HSD17B12: variants seen among roughly 807,000 people sequenced by gnomAD.
HSD17B12 encodes very-long-chain 3-oxoacyl-CoA reductase.
A neutral mutation model predicts 39.3 loss-of-function variants in HSD17B12; 32 were observed. That is an observed-to-expected ratio of 0.81 (90% CI 0.61 to 1.09). The LOEUF (loss-of-function observed/expected upper bound fraction) is 1.09. Among genes scored for constraint, HSD17B12 ranks in the 50% least tolerant of loss-of-function variants. The probability of loss-of-function intolerance (pLI) is 0.00; values close to 1 mark genes in which losing one functional copy is unlikely to be tolerated. For synonymous variants in HSD17B12, 150 were observed against 146.7 expected (o/e 1.02, Z -0.16); for missense variants, 342 against 382.9 (o/e 0.89, Z 0.89).
rs986071185 is a variant in HSD17B12 at position 43,712,677 on chromosome 11, A to C, written c.160+31690A>C. ...ATGTATAAAAGCAAGCTGTACCCCA[A>C]CTATCTTGGGGTACAGCTTCTGAGG... On this transcript the variant is annotated intron_variant, in intron 1 of 10. Transcript: ENST00000278353. Among the ~76,000 whole-genome samples, 12 of 152,154 alleles carry C rather than the reference A, an allele frequency of 7.9e-5. No homozygotes were observed. The East Asian group carries it at 2.3e-3, about 30-fold the overall frequency.
chr11:43,812,969 G>A (rs768202325), intron 4 of HSD17B12, among the ~76,000 whole-genome samples: 1 of 152,048 alleles, frequency 6.6e-6, no homozygotes, highest in Non-Finnish European at 1.5e-5. Flanking sequence ...AGCCTCCCGA[G>A]TAGCTGGGAC....
chr11:43,686,932 C>T (rs1949805957), intron 1 of HSD17B12, among the ~76,000 whole-genome samples: 1 of 152,132 alleles, frequency 6.6e-6, no homozygotes, highest in South Asian at 2.1e-4. Context: ...CTACTTGCAA[C>T]TGAGAGTGTT....
chr11:43,697,277 G>A (rs761841150), intron 1 of HSD17B12, among the ~76,000 whole-genome samples: 3 of 152,088 alleles, frequency 2.0e-5, no homozygotes, highest in African/African-American at 4.8e-5. Context: ...TACAGGAGCC[G>A]GCTATGGGGG....
chr11:43,799,205 C>T (rs1010568509), intron 4 of HSD17B12, among the ~76,000 whole-genome samples: 5 of 151,238 alleles, frequency 3.3e-5, no homozygotes, highest in South Asian at 2.1e-4. Context: ...TGTATAGATC[C>T]GATTATGTAC....
chr11:43,765,751 C>T (rs1221614995), intron 3 of HSD17B12, among the ~76,000 whole-genome samples: 1 of 152,152 alleles, frequency 6.6e-6, no homozygotes, highest in Non-Finnish European at 1.5e-5. Context: ...GTCTAATCTG[C>T]TGTTAATTCT....
intron 1 of HSD17B12, among the ~76,000 whole-genome samples, chr11:43,726,288 A>G (rs1284574811): frequency 1.8e-4 from 28 of 152,138 alleles, no homozygotes; most frequent in Admixed American, 1.5e-3. Flanking sequence ...GCGATAAGAA[A>G]AGAGATAACT....
At chr11:43,589,094 C>A in the HSD17B12 span, among the ~76,000 whole-genome samples, 1 of 150,994 alleles carries the variant, frequency 6.6e-6, no homozygotes, top group Admixed American at 6.6e-5. Context: ...AGGCAATTTC[C>A]ACCAAGGAAA....
chr11:43,814,822 G>A (rs780701643), intron 4 of HSD17B12, among the ~76,000 whole-genome samples: 15 of 152,016 alleles, frequency 9.9e-5, no homozygotes, highest in Non-Finnish European at 2.1e-4. Flanking sequence ...ATAATTGTTT[G>A]TTTCTTTCTT....
In HSD17B12 at chr11:43,740,370, T is replaced by C. The variant is rs576178594; in HGVS notation, c.161-10541T>C. Among the ~76,000 whole-genome samples, 3 of 152,296 alleles carry C rather than the reference T, an allele frequency of 2.0e-5. No individual in the cohort carries two copies. In the South Asian group the frequency reaches 6.2e-4, roughly 32 times the overall value. ...GTGAATATTATTTTGTTTTCATAATTTATTTTATTGACCGTTTACGCTTAC... is the reference window on the plus strand; with the variant it reads ...GTGAATATTATTTTGTTTTCATAATCTATTTTATTGACCGTTTACGCTTAC... On this transcript the variant is annotated intron_variant, in intron 1 of 10. Coordinates refer to ENST00000278353, the MANE Select transcript of HSD17B12 (RefSeq NM_016142.3).
chr11:43,831,067 G>A lies in HSD17B12; in HGVS notation c.536+57G>A. 1 of 1,486,318 alleles carries A rather than the reference G, an allele frequency of 6.7e-7. No individual in the cohort carries two copies. Among genetic ancestry groups the A allele is most frequent in the Admixed American group, 2.0e-5 (1 of 50,826 alleles). 92.1% of individuals were successfully genotyped at this position (1,486,318 alleles called of 1,614,324 possible). A position where few individuals can be genotyped will look rare whatever the true frequency, so the allele number is the denominator to read the frequency against. The stretch of plus-strand genomic sequence containing the variant: ...GAAGCAGAGCTCATGATTATTTAGA[G>A]GGAGAATCCTTGCTTTGAAAAAATC... On this transcript the variant is annotated intron_variant, in intron 7 of 10. Transcript: ENST00000278353. The surrounding 1 kb of genome is among the most constrained non-coding windows in gnomAD (Gnocchi z 4.1).
chr11:43,610,331 A>G, the HSD17B12 span, among the ~76,000 whole-genome samples: 5 of 152,226 alleles, frequency 3.3e-5, no homozygotes, highest in East Asian at 1.9e-4. Context: ...GTGATTAATG[A>G]TCACTGTTTA....
At chr11:43,656,008 G>A in the HSD17B12 span, among the ~76,000 whole-genome samples, 1 of 152,198 alleles carries the variant, frequency 6.6e-6, no homozygotes, top group Non-Finnish European at 1.5e-5. Flanking sequence ...ACCTCTGGTA[G>A]AATTTGGCGG....
chr11:43,851,295 AT>A (rs1324401179), intron 9 of HSD17B12, among the ~76,000 whole-genome samples: 1 of 152,094 alleles, frequency 6.6e-6, no homozygotes, highest in East Asian at 1.9e-4. Flanking sequence ...AACTTGAAAA[AT>A]CTGTTCTGCC....
At chr11:43,717,289 C>T (rs1590688613) in intron 1 of HSD17B12, among the ~76,000 whole-genome samples, 3 of 152,100 alleles carry the variant, frequency 2.0e-5, no homozygotes, top group African/African-American at 7.2e-5. Flanking sequence ...ATTAGAAGCT[C>T]AGTAAATATT....
At chr11:43,747,196 A>G (rs1290990880) in intron 1 of HSD17B12, among the ~76,000 whole-genome samples, 1 of 152,252 alleles carries the variant, frequency 6.6e-6, no homozygotes, top group African/African-American at 2.4e-5. Flanking sequence ...TACCTTGTGC[A>G]TGTTGCCTAG....
At chr11:43,835,365 T>G (rs1262042624) in intron 7 of HSD17B12, among the ~76,000 whole-genome samples, 1 of 152,120 alleles carries the variant, frequency 6.6e-6, no homozygotes, top group Non-Finnish European at 1.5e-5. Flanking sequence ...CAGTCCCAAA[T>G]GCTCAGCCCC....
intron 6 of HSD17B12, among the ~76,000 whole-genome samples, chr11:43,828,874 G>A (rs1295019223): frequency 2.0e-5 from 3 of 152,130 alleles, no homozygotes; most frequent in East Asian, 3.8e-4. Flanking sequence ...TGAATATAAC[G>A]AAGCCTCTTA....
the HSD17B12 span, among the ~76,000 whole-genome samples, chr11:43,635,395 C>T: frequency 2.0e-5 from 3 of 151,846 alleles, no homozygotes; most frequent in African/African-American, 4.8e-5. Flanking sequence ...ATGAAAATCC[C>T]GTGCAATAAT....
rs1323722864 is a variant in HSD17B12 at position 43,799,067 on chromosome 11, T to G, written c.391+640T>G. Among the ~76,000 whole-genome samples the G allele has an allele frequency of 2.0e-5, 3 of 152,198 alleles. No individual in the cohort carries two copies. The East Asian group carries it at 5.8e-4, about 29-fold the overall frequency. ...TTAAAGTGGATGGTGCTGACTCATT[T>G]ACATACAGTTGAGGAAATGAAGGCT... On this transcript the variant is annotated intron_variant, in intron 4 of 10. Coordinates refer to ENST00000278353, the MANE Select transcript of HSD17B12 (RefSeq NM_016142.3).
Sources: allele counts gnomAD v4.1 joint callset (sites outside exome capture counted in the v4.1 genomes callset), GRCh38; gene constraint gnomAD v4.1.1; non-coding constraint Gnocchi (gnomAD v3.1); transcripts MANE v1.5; gene names NCBI Gene and HGNC (gene_info 2026-07-23, HGNC 2026-07-21).